Variants in TRPM1 observed in about 807,000 individuals in gnomAD.
The protein encoded by TRPM1 is transient receptor potential cation channel subfamily M member 1, also known as TRPM1-203 APA Isoform, Intron 10.
Under a neutral mutation model 149.4 loss-of-function variants are expected in TRPM1, and 113 were observed. That is an observed-to-expected ratio of 0.76 (90% CI 0.65 to 0.88). The LOEUF is 0.88. Among genes scored for constraint, TRPM1 ranks in the 40% least tolerant of loss-of-function variants. The pLI is 0.00. For missense variants in TRPM1, 1,976 were observed against 2,038.7 expected (o/e 0.97, Z 0.59); for synonymous variants, 741 against 759.5 (o/e 0.98, Z 0.40).
Position 31,063,099 on chromosome 15 carries a change from C to T in TRPM1, c.965+19G>A, listed in dbSNP as rs545436238. ...AGGGAGTTACGAACCCGCCCTTCCTCGCGCGTCAGAAATCCTACCCGCCTT... is the reference window on the plus strand; with the variant it reads ...AGGGAGTTACGAACCCGCCCTTCCTTGCGCGTCAGAAATCCTACCCGCCTT... On this transcript the variant is annotated intron_variant, in intron 8 of 27. Transcript: ENST00000256552. 39 of 1,614,066 alleles carry T rather than the reference C, an allele frequency of 2.4e-5. No individual in the cohort carries two copies. The Admixed American group carries it at 4.8e-4, about 20-fold the overall frequency.
At chr15:31,135,316 AAGG>A (rs2036074124) in intron 1 of TRPM1, among the ~76,000 whole-genome samples, 1 of 152,206 alleles carries the variant, frequency 6.6e-6, no homozygotes, top group Non-Finnish European at 1.5e-5. Context: ...CCTAGGAAGA[AAGG>A]AGAAGGCCAA....
Position 31,126,191 on chromosome 15 carries a change from G to A in TRPM1, c.54+34715C>T, listed in dbSNP as rs150190891. 4.1e-3 allele frequency among the ~76,000 whole-genome samples: 621 copies of A among 152,014 alleles called. 1 individual carries two copies. The highest frequency in any genetic ancestry group is 7.0e-3 in the Non-Finnish European group (476 of 67,940). On this transcript the variant is annotated intron_variant, in intron 1 of 26. Coordinates refer to the TRPM1 transcript ENST00000542188. ...AAACAAAATAAACAGAGTAAAAATT[G>A]GCATAATCACAATAAGAAATCATAA... is the stretch of plus-strand genomic sequence containing the variant.
intron 27 of TRPM1, among the ~76,000 whole-genome samples, chr15:31,012,243 C>G (rs1347215276): frequency 6.6e-6 from 1 of 152,128 alleles, no homozygotes; most frequent in African/African-American, 2.4e-5. Flanking sequence ...AGGTTATTGT[C>G]TTATGTCTTT....
intron 1 of TRPM1, among the ~76,000 whole-genome samples, chr15:31,089,714 G>A (rs1412362072): frequency 6.6e-6 from 1 of 152,232 alleles, no homozygotes; most frequent in Non-Finnish European, 1.5e-5. Flanking sequence ...ACACTTGGAT[G>A]ACCTCTCCAA....
intron 27 of TRPM1, among the ~76,000 whole-genome samples, chr15:31,007,933 G>A (rs555703190): frequency 6.6e-6 from 1 of 152,254 alleles, no homozygotes; most frequent in African/African-American, 2.4e-5. Flanking sequence ...TTTCATTTTT[G>A]TTGGAGCTCT....
intron 1 of TRPM1, among the ~76,000 whole-genome samples, chr15:31,138,038 A>G (rs578255022): frequency 1.3e-3 from 201 of 152,208 alleles, no homozygotes; most frequent in South Asian, 2.3e-3. Context: ...AGGCAGAATG[A>G]TATTACCTCA....
chr15:31,104,655 G>A (rs185267086), upstream of TRPM1, among the ~76,000 whole-genome samples: 69 of 139,106 alleles, frequency 5.0e-4, no homozygotes, highest in South Asian at 8.5e-3. Flanking sequence ...GTGCAGTGGC[G>A]CCATCTCGGC....
At chr15:31,019,854 A>T (rs1442091125) in intron 27 of TRPM1, among the ~76,000 whole-genome samples, 2 of 151,342 alleles carry the variant, frequency 1.3e-5, no homozygotes, top group Middle Eastern at 6.9e-3. Flanking sequence ...TTTTTAGTAG[A>T]AAAGGGGTTG....
intron 12 of TRPM1, 41 bp downstream of exon 12, chr15:31,050,368 G>A (rs1474144528): frequency 1.2e-6 from 2 of 1,614,058 alleles, no homozygotes; most frequent in South Asian, 1.1e-5. Context: ...CCCTGGGGAA[G>A]GGTGATGCCA....
chr15:31,099,214 C>G (rs915456985), intron 1 of TRPM1, among the ~76,000 whole-genome samples: 1 of 152,108 alleles, frequency 6.6e-6, no homozygotes, highest in African/African-American at 2.4e-5. Context: ...GATACTGACC[C>G]ATCAGATATG....
At chr15:31,089,194 C>A (rs952206342) in intron 1 of TRPM1, among the ~76,000 whole-genome samples, 1 of 152,168 alleles carries the variant, frequency 6.6e-6, no homozygotes, top group African/African-American at 2.4e-5. Flanking sequence ...CAGGAGTGGT[C>A]ATTTCTAGGT....
At chr15:31,109,730 G>A (rs954190144) in intron 1 of TRPM1, among the ~76,000 whole-genome samples, 21 of 152,014 alleles carry the variant, frequency 1.4e-4, no homozygotes, top group African/African-American at 4.8e-4. Context: ...GAGTAATGGG[G>A]CTTCAAACTG....
At chr15:31,068,744 C>CAA (rs60411633) in intron 4 of TRPM1, among the ~76,000 whole-genome samples, 1,399 of 59,650 alleles carry the variant, frequency 0.023, 53 homozygotes, top group African/African-American at 0.069. Flanking sequence ...AACTCCAACT[C>CAA]AAAAAAAAAA....
intron 1 of TRPM1, among the ~76,000 whole-genome samples, chr15:31,125,553 A>AC (rs1303632681): frequency 6.7e-6 from 1 of 149,310 alleles, no homozygotes; most frequent in Non-Finnish European, 1.5e-5. Context: ...AAACGGTGAA[A>AC]CCTCGTCTCT....
intron 1 of TRPM1, among the ~76,000 whole-genome samples, chr15:31,111,631 C>T (rs921953504): frequency 2.6e-5 from 4 of 152,184 alleles, no homozygotes; most frequent in African/African-American, 9.7e-5. Flanking sequence ...CCCATGTAGG[C>T]AGCTGTGGCT....
At position 31,028,315 on chromosome 15, in the gene TRPM1, T is replaced by C. The variant is rs2140903645; in HGVS notation, c.3293+17A>G. 6.2e-7 allele frequency: 1 copy of C among 1,614,100 alleles called. No individual in the cohort carries two copies. Among genetic ancestry groups the C allele is most frequent in the East Asian group, 2.2e-5 (1 of 44,884 alleles). On this transcript the variant is annotated intron_variant, in intron 25 of 27. Transcript: ENST00000256552. ...GTAATAAATAATAAGCATGTGGTCA[T>C]CGGCTGTGACACGTACTTGAACACA...
intron 1 of TRPM1, among the ~76,000 whole-genome samples, chr15:31,133,754 C>T (rs915614157): frequency 2.6e-5 from 4 of 152,012 alleles, no homozygotes; most frequent in African/African-American, 9.7e-5. Flanking sequence ...ATGGAGAGGC[C>T]CCATCCAGCC....
At chr15:31,083,670 T>C (rs2034922215) in intron 1 of TRPM1, among the ~76,000 whole-genome samples, 1 of 152,046 alleles carries the variant, frequency 6.6e-6, no homozygotes, top group South Asian at 2.1e-4. Context: ...TCCCACCCCC[T>C]CGCTCCACTG....
intron 27 of TRPM1, among the ~76,000 whole-genome samples, chr15:31,017,321 T>C (rs963055492): frequency 2.0e-5 from 3 of 152,094 alleles, no homozygotes; most frequent in Admixed American, 6.5e-5. Context: ...AATACATAAA[T>C]AAAATAGAGT....
Sources: allele counts gnomAD v4.1 joint callset (sites outside exome capture counted in the v4.1 genomes callset), GRCh38; gene constraint gnomAD v4.1.1; transcripts MANE v1.5; gene names NCBI Gene and HGNC (gene_info 2026-07-23, HGNC 2026-07-21).